The following LRRC66 variants were observed in gnomAD, a reference collection of about 807,000 sequenced individuals.
LRRC66 encodes leucine-rich repeat-containing protein 66.
In LRRC66, 29 loss-of-function variants were observed where a neutral mutation model predicts 24.6. The observed-to-expected ratio is 1.18, with a 90% CI of 0.88 to 1.61. The LOEUF (loss-of-function observed/expected upper bound fraction) is 1.61. LRRC66 is among the 40% of genes most tolerant of loss of function. LRRC66 has a pLI of 0.00. For synonymous variants in LRRC66, 411 were observed against 397.6 expected (o/e 1.03, Z -0.40); for missense variants, 1,124 against 1,058.0 (o/e 1.06, Z -0.87).
In LRRC66 at chr4:52,017,380, A is replaced by C; in HGVS notation, c.234T>G (p.Ser78=). The change falls in exon 2 of 5, where the codon TCT becomes TCG. Residue 78 remains serine, a synonymous_variant. Coordinates refer to ENST00000682860, the MANE Select transcript of LRRC66 (RefSeq NM_001024611.3). ...SFNFFRVLLQ[S]HTKKEEWKIK... ...TTTTCCACTCTTCTTTTTTCGTGTG[A>C]GACTGTAAGAGAACTCTAAAGAAAT... is the stretch of plus-strand genomic sequence containing the variant. 1 of 1,614,160 alleles carries C rather than the reference A, an allele frequency of 6.2e-7. No individual in the cohort carries two copies. Among genetic ancestry groups the C allele is most frequent in the South Asian group, 1.1e-5 (1 of 91,082 alleles).
At position 51,994,297 on chromosome 4, in the gene LRRC66, T is replaced by C; in HGVS notation, c.*82A>G. 1 of 1,287,358 alleles carries C rather than the reference T, an allele frequency of 7.8e-7. No homozygotes were observed. The highest frequency in any genetic ancestry group is 1.1e-6 in the Non-Finnish European group (1 of 942,698). 79.7% of individuals were successfully genotyped at this position (1,287,358 alleles called of 1,614,324 possible). On this transcript the variant is annotated 3_prime_UTR_variant, in exon 5 of 5. Coordinates refer to ENST00000682860, the MANE Select transcript of LRRC66 (RefSeq NM_001024611.3). ...CATGTTGTCTCCTTCAGGATCTTGT[T>C]GTGAAGGCTTTAGTTTTCCCCTGCC... is the stretch of plus-strand genomic sequence containing the variant.
intron 3 of LRRC66, among the ~76,000 whole-genome samples, chr4:52,002,954 T>G (rs1458691138): frequency 2.0e-5 from 3 of 152,130 alleles, no homozygotes; most frequent in African/African-American, 7.2e-5. Flanking sequence ...AATCTTGGAG[T>G]TGGATATAAC....
At chr4:52,011,274 T>C (rs1425292934) in intron 2 of LRRC66, among the ~76,000 whole-genome samples, 1 of 152,192 alleles carries the variant, frequency 6.6e-6, no homozygotes, top group Non-Finnish European at 1.5e-5. Context: ...ATTTGATTCA[T>C]TAGGTCAGAT....
intron 2 of LRRC66, among the ~76,000 whole-genome samples, chr4:52,015,909 A>T (rs1055048012): frequency 6.6e-6 from 1 of 152,188 alleles, no homozygotes; most frequent in South Asian, 2.1e-4. Context: ...TTTTGAAAGA[A>T]AAAGGTACAA....
At chr4:51,996,308 A>T (rs779940832) in intron 4 of LRRC66, 143 bp from the exon 5 acceptor site, 151 of 737,262 alleles carry the variant, frequency 2.0e-4, no homozygotes, top group Non-Finnish European at 2.7e-4. Flanking sequence ...GCGCAGTGGC[A>T]CAATCATAAC....
At chr4:52,016,704 A>C (rs1214631628) in intron 2 of LRRC66, among the ~76,000 whole-genome samples, 1 of 152,172 alleles carries the variant, frequency 6.6e-6, no homozygotes, top group Non-Finnish European at 1.5e-5. Flanking sequence ...GGCAAAATGT[A>C]CTCAAAGAAG....
chr4:52,003,304 C>G lies in LRRC66; in HGVS notation c.585G>C (p.Leu195=). The G allele has an allele frequency of 6.2e-7, 1 of 1,613,864 alleles. No individual in the cohort carries two copies. The highest frequency in any genetic ancestry group is 1.1e-5 in the South Asian group (1 of 91,078). ...QIGWSDFHNC[L]QLENLCLKSN... is the part of the protein sequence containing the mutation. ...TCTTTAAACAGAGATTCTCCAGTTG[C>G]AGGCAGTTGTGAAAATCAGACCACC... The change falls in exon 3 of 5, where the codon CTG becomes CTC. Residue 195 remains leucine, a synonymous_variant. Transcript: ENST00000682860.
Position 51,994,869 on chromosome 4 carries a change from G to C in LRRC66, c.2153C>G (p.Ser718Ter), listed in dbSNP as rs769974830. The C allele has an allele frequency of 3.1e-6, 5 of 1,614,150 alleles. No individual in the cohort carries two copies. The African/African-American group carries it at 6.7e-5, about 22-fold the overall frequency. ...TTCAGTCTTGCTCCTTGCACTCTCTGAACTTATGGAGCTCAGAGTGAACAG... is the reference window on the plus strand; with the variant it reads ...TTCAGTCTTGCTCCTTGCACTCTCTCAACTTATGGAGCTCAGAGTGAACAG... ...GSLFTLSSIS[S>*]ESARSKTEEA... The change falls in exon 5 of 5, where the codon TCA becomes TGA. Residue 718 changes from serine (S) to a stop codon, truncating the protein, a stop_gained. Coordinates refer to ENST00000682860, the MANE Select transcript of LRRC66 (RefSeq NM_001024611.3). LOFTEE classifies it low-confidence loss of function (END_TRUNC).
chr4:51,997,701 T>C lies in LRRC66; in HGVS notation c.856+47A>G, dbSNP rs375159553. 26 of 1,535,692 alleles carry C rather than the reference T, an allele frequency of 1.7e-5. No homozygotes were observed. The African/African-American group carries it at 2.7e-4, about 16-fold the overall frequency. ...AAAAAGACTAAAATGTCTATGTGCA[T>C]TTTTCATTATAAATGGAGCCTTTTC... is the stretch of plus-strand genomic sequence containing the variant. On this transcript the variant is annotated intron_variant, in intron 4 of 4. Coordinates refer to ENST00000682860, the MANE Select transcript of LRRC66 (RefSeq NM_001024611.3).
At chr4:52,011,152 G>A (rs1736691542) in intron 2 of LRRC66, among the ~76,000 whole-genome samples, 1 of 152,094 alleles carries the variant, frequency 6.6e-6, no homozygotes, top group African/African-American at 2.4e-5. Flanking sequence ...CTTCTTAAGT[G>A]CTCTCCCAAG....
intron 2 of LRRC66, among the ~76,000 whole-genome samples, chr4:52,016,652 G>C (rs1472227965): frequency 6.6e-6 from 1 of 151,948 alleles, no homozygotes; most frequent in East Asian, 1.9e-4. Context: ...ATAATATTAG[G>C]ATACTTCTGC....
chr4:52,017,304 G>A lies in LRRC66; in HGVS notation c.310C>T (p.Pro104Ser), dbSNP rs1319002226. Residue 104 changes from proline (P) to serine (S), a missense_variant, in exon 2 of 5, where the codon CCT (proline) becomes TCT (serine). By Grantham distance (74) the Pro-to-Ser change is moderately conservative. Coordinates refer to ENST00000682860, the MANE Select transcript of LRRC66 (RefSeq NM_001024611.3). ...NNLISKITLS[P>S]FAYLHALEVL... ...TCCAAAGCATGTAAATATGCAAAAG[G>A]GCTTAAGGTTATTTTTGATATGAGA... 2.5e-6 allele frequency: 4 copies of A among 1,614,098 alleles called. No homozygotes were observed. Among genetic ancestry groups the A allele is most frequent in the East Asian group, 2.2e-5 (1 of 44,878 alleles).
rs368493395 is a variant in LRRC66, at chr4:51,994,482, G to C, written c.2540C>G (p.Ser847Ter). ...TGTTTGCTGTAAAACGTCCACATTTGAAAATTCTAAGTCTCTAAGTGAGCA... is the reference window on the plus strand; with the variant it reads ...TGTTTGCTGTAAAACGTCCACATTTCAAAATTCTAAGTCTCTAAGTGAGCA... ...WHCSLRDLEF[S>*]NVDVLQQTPP... Residue 847 changes from serine to a stop codon, truncating the protein, a stop_gained, in exon 5 of 5, where the codon TCA becomes TGA. Transcript: ENST00000682860. LOFTEE classifies it low-confidence loss of function (END_TRUNC). 3.7e-6 allele frequency: 6 copies of C among 1,614,206 alleles called. No homozygotes were observed. Among genetic ancestry groups the C allele is most frequent in the Non-Finnish European group, 5.1e-6 (6 of 1,180,030 alleles).
rs373569196 is a variant in LRRC66 at position 51,995,977 on chromosome 4, G to T, written c.1045C>A (p.Gln349Lys). 3 of 1,613,966 alleles carry T rather than the reference G, an allele frequency of 1.9e-6. 1 individual carries two copies. In the South Asian group the frequency reaches 3.3e-5, roughly 18 times the overall value. ...CTAACACTCCTTGGCAGCCGTCTCT[G>T]CTTCTTCCTGAGACCAGAGCCGGCC... Reference protein sequence around the residue: ...AKAGSGLRKKQRRLPRSVRST... With the variant: ...AKAGSGLRKKKRRLPRSVRST... The change falls in exon 5 of 5, where the codon CAG becomes AAG. Residue 349 changes from glutamine to lysine, a missense_variant. Gln to Lys is a moderately conservative substitution (Grantham distance 53, BLOSUM62 1). Coordinates refer to ENST00000682860, the MANE Select transcript of LRRC66 (RefSeq NM_001024611.3).
At chr4:52,016,972 C>A in intron 2 of LRRC66, 146 bp downstream of exon 2, 1 of 846,470 alleles carries the variant, frequency 1.2e-6, no homozygotes, top group Non-Finnish European at 1.8e-6. Flanking sequence ...CTTCCAATGC[C>A]ACTAAGAAAC....
intron 3 of LRRC66, among the ~76,000 whole-genome samples, chr4:52,001,472 G>A (rs1736445526): frequency 6.6e-6 from 1 of 152,196 alleles, no homozygotes; most frequent in African/African-American, 2.4e-5. Context: ...TTTTAACCAA[G>A]AAGTGGGAGA....
chr4:51,999,276 C>T lies in LRRC66; in HGVS notation c.667-1339G>A, dbSNP rs117622645. On this transcript the variant is annotated intron_variant, in intron 3 of 4. Transcript: ENST00000682860. ...CAAGGCCAATTGCTTTATAGACACC[C>T]GTGAAAAATCAGCATTTACATTTTG... is the stretch of plus-strand genomic sequence containing the variant. Among the ~76,000 whole-genome samples, 439 of 152,216 alleles carry T rather than the reference C, an allele frequency of 2.9e-3. 18 individuals carry two copies. The East Asian group carries it at 0.076, about 26-fold the overall frequency.
At chr4:52,018,164 G>A in intron 1 of LRRC66, 8 of 985,338 alleles carry the variant, frequency 8.1e-6, no homozygotes, top group Non-Finnish European at 9.6e-6. Flanking sequence ...TTTGCTGTGT[G>A]GCTTGTGTGA....
chr4:51,999,558 T>C (rs1736402072), intron 3 of LRRC66, among the ~76,000 whole-genome samples: 1 of 152,238 alleles, frequency 6.6e-6, no homozygotes. Context: ...TTCTTATGTA[T>C]CGCTTGACAA....
Sources: allele counts gnomAD v4.1 joint callset (sites outside exome capture counted in the v4.1 genomes callset), GRCh38; gene constraint gnomAD v4.1.1; transcripts MANE v1.5; gene names NCBI Gene and HGNC (gene_info 2026-07-23, HGNC 2026-07-21).